The following PARP8 variants were observed in gnomAD, a reference collection of about 807,000 sequenced individuals.
PARP8 encodes poly(ADP-ribose) polymerase family member 8.
In PARP8, 51 loss-of-function variants were observed where a neutral mutation model predicts 124.1. The observed-to-expected ratio is 0.41, with a 90% CI of 0.33 to 0.52. The LOEUF (loss-of-function observed/expected upper bound fraction) is 0.52, where lower values mean the gene tolerates loss of function less well. PARP8 is among the 20% of genes least tolerant of loss of function. The pLI, the probability that PARP8 is intolerant of heterozygous loss-of-function variation, is 0.21. For synonymous variants in PARP8, 391 were observed against 361.5 expected (o/e 1.08, Z -0.93); for missense variants, 860 against 1,018.9 (o/e 0.84, Z 2.12).
At chr5:50,692,607 T>C (rs1027771001) in intron 2 of PARP8, among the ~76,000 whole-genome samples, 6 of 152,266 alleles carry the variant, frequency 3.9e-5, no homozygotes, top group African/African-American at 1.4e-4. Flanking sequence ...TGAATGCTCT[T>C]GGGACCTCAT....
intron 1 of PARP8, chr5:50,667,461 G>A (rs1749437314): frequency 1.4e-6 from 1 of 700,240 alleles, no homozygotes; most frequent in Non-Finnish European, 2.6e-6. Flanking sequence ...GGCAGTGCGT[G>A]GTATTTCCAG....
chr5:50,737,629 A>T (rs935922293), intron 2 of PARP8, among the ~76,000 whole-genome samples: 2 of 152,218 alleles, frequency 1.3e-5, no homozygotes, highest in Non-Finnish European at 2.9e-5. Flanking sequence ...CTCACCAGTT[A>T]TTTAAATCTT....
At chr5:50,667,369 C>A (rs1308068245) in intron 1 of PARP8, among the ~76,000 whole-genome samples, 183 bp downstream of exon 1, 1 of 152,230 alleles carries the variant, frequency 6.6e-6, no homozygotes, top group African/African-American at 2.4e-5. Flanking sequence ...TCTCCCCTTC[C>A]CCTCCCCCAC....
At chr5:50,822,538 A>T (rs1745881516) in intron 17 of PARP8, 138 bp downstream of exon 17, 5 of 641,806 alleles carry the variant, frequency 7.8e-6, no homozygotes, top group Non-Finnish European at 1.4e-5. Flanking sequence ...ATTAAATCAC[A>T]TCAGTGTACT....
chr5:50,726,397 G>A (rs1481548593), intron 2 of PARP8, among the ~76,000 whole-genome samples: 6 of 152,050 alleles, frequency 3.9e-5, no homozygotes, highest in South Asian at 2.1e-4. Flanking sequence ...TTTTTTTCCC[G>A]CATTTTACAA....
At chr5:50,763,618 T>C (rs1375743345) in intron 7 of PARP8, among the ~76,000 whole-genome samples, 1 of 151,806 alleles carries the variant, frequency 6.6e-6, no homozygotes, top group African/African-American at 2.4e-5. Context: ...CCAAATTACA[T>C]TGTCATCTGG....
At chr5:50,688,880 C>A (rs143489507) in intron 2 of PARP8, among the ~76,000 whole-genome samples, 1 of 152,062 alleles carries the variant, frequency 6.6e-6, no homozygotes, top group Non-Finnish European at 1.5e-5. Context: ...ATTGGTTGAG[C>A]GGTAGCCCAA....
chr5:50,815,943 G>T (rs1171227588), intron 15 of PARP8, among the ~76,000 whole-genome samples: 1 of 151,932 alleles, frequency 6.6e-6, no homozygotes, highest in Non-Finnish European at 1.5e-5. Flanking sequence ...GTTTTACAGA[G>T]CAGTGTTTCA....
At chr5:50,839,269 G>A (rs995576293) in intron 25 of PARP8, among the ~76,000 whole-genome samples, 3 of 151,646 alleles carry the variant, frequency 2.0e-5, no homozygotes, top group South Asian at 2.1e-4. Flanking sequence ...CCTTTTAGAC[G>A]TTTTCATTTT....
At chr5:50,818,913 G>A (rs11954177) in intron 15 of PARP8, among the ~76,000 whole-genome samples, 1 of 152,160 alleles carries the variant, frequency 6.6e-6, no homozygotes, top group South Asian at 2.1e-4. Context: ...TGACCGGGGG[G>A]ACTGGACCCC....
chr5:50,770,667 AAAAG>A (rs1019007081), intron 7 of PARP8, among the ~76,000 whole-genome samples: 5 of 151,746 alleles, frequency 3.3e-5, no homozygotes, highest in East Asian at 1.9e-4. Context: ...GGAAAGAAAG[AAAAG>A]AAAGAAATAA....
intron 14 of PARP8, among the ~76,000 whole-genome samples, chr5:50,810,656 A>G (rs1479216455): frequency 2.6e-5 from 4 of 152,054 alleles, no homozygotes; most frequent in South Asian, 2.1e-4. Flanking sequence ...TTAGTGCAGT[A>G]TCTTGTGTTA....
intron 7 of PARP8, among the ~76,000 whole-genome samples, chr5:50,765,405 T>C (rs1237653148): frequency 6.6e-6 from 1 of 152,230 alleles, no homozygotes; most frequent in Non-Finnish European, 1.5e-5. Flanking sequence ...GAAGGTCTTT[T>C]TTTGTTCCTT....
chr5:50,775,015 A>G (rs1417723367), intron 7 of PARP8, among the ~76,000 whole-genome samples: 5 of 123,452 alleles, frequency 4.1e-5, no homozygotes, highest in Admixed American at 1.8e-4. Flanking sequence ...CCAGGCAGAG[A>G]CGCTCCTCAC....
chr5:50,684,884 A>G (rs1203626962), intron 2 of PARP8, among the ~76,000 whole-genome samples: 1 of 152,236 alleles, frequency 6.6e-6, no homozygotes, highest in Non-Finnish European at 1.5e-5. Context: ...TTGAAAGGCT[A>G]TCAGGGGACT....
chr5:50,689,630 G>A (rs1752275399), intron 2 of PARP8, among the ~76,000 whole-genome samples: 2 of 152,202 alleles, frequency 1.3e-5, no homozygotes, highest in Admixed American at 6.5e-5. Context: ...GGGTTGCAGT[G>A]AAGAGGAGTG....
rs984892162 is a variant in PARP8 at position 50,822,483 on chromosome 5, A to G, written c.1860+83A>G. 8.7e-5 allele frequency: 91 copies of G among 1,047,940 alleles called. 1 individual carries two copies. Among genetic ancestry groups the G allele is most frequent in the Middle Eastern group, 2.2e-4 (1 of 4,520 alleles). The allele number at this position is 1,047,940 out of a possible 1,614,324, so 64.9% of individuals were successfully genotyped here. A position where few individuals can be genotyped will look rare whatever the true frequency, so the allele number is the denominator to read the frequency against. On this transcript the variant is annotated intron_variant, in intron 17 of 25. Coordinates refer to ENST00000281631, the MANE Select transcript of PARP8 (RefSeq NM_024615.4). ...TATGTAGTGAAATGTAGACTTCTCT[A>G]TAATACATATCATTTAAAAATTTGT...
At chr5:50,757,856 A>T (rs1263073198) in intron 3 of PARP8, among the ~76,000 whole-genome samples, 3 of 152,120 alleles carry the variant, frequency 2.0e-5, no homozygotes, top group Non-Finnish European at 1.5e-5. Context: ...AAATTGCATG[A>T]TGCTATCCAC....
At chr5:50,758,310 G>GAGGC (rs1760183328) in intron 3 of PARP8, among the ~76,000 whole-genome samples, 1 of 152,144 alleles carries the variant, frequency 6.6e-6, no homozygotes, top group African/African-American at 2.4e-5. Context: ...TCCAAATAAT[G>GAGGC]AGGCAAACAT....
Sources: gnomAD v4.1 joint callset for allele counts (sites outside exome capture counted in the v4.1 genomes callset) on GRCh38, gnomAD v4.1.1 for gene constraint, MANE v1.5 for transcripts, NCBI Gene and HGNC (gene_info 2026-07-23, HGNC 2026-07-21) for gene names.